RIMKLB: variants seen among roughly 807,000 people sequenced by gnomAD.
RIMKLB encodes the protein beta-citrylglutamate synthase B.
A neutral mutation model predicts 32.0 loss-of-function variants in RIMKLB; 7 were observed. The observed-to-expected ratio is 0.22, with a 90% CI of 0.12 to 0.41. RIMKLB has a LOEUF of 0.41. Among genes scored for constraint, RIMKLB ranks in the 10% least tolerant of loss-of-function variants. The pLI is 1.00. For missense variants in RIMKLB, 289 were observed against 498.7 expected, an observed-to-expected ratio of 0.58 and a Z score of 4.00; for synonymous variants, 172 against 185.1, an observed-to-expected ratio of 0.93 and a Z score of 0.57.
At chr12:8,760,251 T>C (rs1416370093) in intron 5 of RIMKLB, among the ~76,000 whole-genome samples, 1 of 152,248 alleles carries the variant, frequency 6.6e-6, no homozygotes, top group Non-Finnish European at 1.5e-5. Context: ...GTTTCATCCA[T>C]GTCCCTACAA....
chr12:8,741,917 G>T (rs1947580600), intron 2 of RIMKLB, among the ~76,000 whole-genome samples: 1 of 150,252 alleles, frequency 6.7e-6, no homozygotes, highest in African/African-American at 2.5e-5. Flanking sequence ...TATTAAAAAA[G>T]GAGAGCTTTT....
At chr12:8,756,899 C>A (rs975607548) in intron 5 of RIMKLB, among the ~76,000 whole-genome samples, 3 of 151,880 alleles carry the variant, frequency 2.0e-5, no homozygotes, top group East Asian at 3.9e-4. Context: ...ACCATGTTGA[C>A]CAGGCTGGTC....
intron 2 of RIMKLB, among the ~76,000 whole-genome samples, chr12:8,748,622 A>ATT (rs747952130): frequency 0.029 from 3,948 of 138,172 alleles, 187 homozygotes; most frequent in African/African-American, 0.098. Context: ...TATATATATA[A>ATT]TTTTTTTTTT....
chr12:8,700,977 A>G (rs1317755689), intron 1 of RIMKLB, among the ~76,000 whole-genome samples: 2 of 152,108 alleles, frequency 1.3e-5, no homozygotes, highest in Non-Finnish European at 2.9e-5. Context: ...GAGGCACAAG[A>G]ATCGCTTGAA....
At chr12:8,754,941 C>T (rs1399530851) in intron 5 of RIMKLB, among the ~76,000 whole-genome samples, 1 of 152,000 alleles carries the variant, frequency 6.6e-6, no homozygotes, top group Non-Finnish European at 1.5e-5. Flanking sequence ...AGGCACATGC[C>T]ACCATGCCCG....
At chr12:8,713,711 T>G (rs990926968) in intron 1 of RIMKLB, 100 bp from the exon 2 acceptor site, 2 of 746,708 alleles carry the variant, frequency 2.7e-6, no homozygotes, top group Non-Finnish European at 4.4e-6. Context: ...TTTTCCTGTT[T>G]ATATAATTAG....
intron 2 of RIMKLB, among the ~76,000 whole-genome samples, chr12:8,726,708 A>G (rs1946044345): frequency 6.9e-6 from 1 of 145,636 alleles, no homozygotes; most frequent in African/African-American, 2.5e-5. Flanking sequence ...GTCTATATTT[A>G]CAGTAAATTT....
chr12:8,723,086 A>T (rs936525917), intron 2 of RIMKLB, among the ~76,000 whole-genome samples: 1 of 152,232 alleles, frequency 6.6e-6, no homozygotes, highest in East Asian at 1.9e-4. Flanking sequence ...CTTTGCATAT[A>T]CAACTTGTCT....
intron 2 of RIMKLB, among the ~76,000 whole-genome samples, chr12:8,715,228 C>CCTTTTTTTTTTTTTTTTT (rs1445737752): frequency 1.6e-5 from 2 of 123,762 alleles, no homozygotes; most frequent in African/African-American, 6.6e-5. Flanking sequence ...TGCTCTTGTT[C>CCTTTTTTTTTTTTTTTTT]TTTTTTTTTT....
chr12:8,715,559 C>T (rs1944758696), intron 2 of RIMKLB, among the ~76,000 whole-genome samples: 1 of 152,072 alleles, frequency 6.6e-6, no homozygotes, highest in Non-Finnish European at 1.5e-5. Flanking sequence ...CTGCCTTTAT[C>T]AGGATGATGC....
chr12:8,783,052 C>G (rs1255960283), exon 8 of RIMKLB: 1 of 152,160 alleles, frequency 6.6e-6, no homozygotes, highest in Non-Finnish European at 1.5e-5. Context: ...TGTTTGATTC[C>G]GTCTGTTTTC....
intron 5 of RIMKLB, among the ~76,000 whole-genome samples, chr12:8,758,522 T>G (rs191126150): frequency 7.2e-5 from 11 of 152,324 alleles, no homozygotes; most frequent in Admixed American, 3.3e-4. Flanking sequence ...TTTTTTTGAT[T>G]ATAGATTTTG....
chr12:8,772,531 C>T (rs983576282), intron 5 of RIMKLB, among the ~76,000 whole-genome samples: 12 of 152,160 alleles, frequency 7.9e-5, no homozygotes, highest in African/African-American at 1.2e-4. Flanking sequence ...CAGTCTTCTA[C>T]GGAGGTACCT....
At chr12:8,753,368 C>G (rs1948774256) in intron 4 of RIMKLB, among the ~76,000 whole-genome samples, 1 of 152,164 alleles carries the variant, frequency 6.6e-6, no homozygotes, top group South Asian at 2.1e-4. Context: ...CTCCTTTCCC[C>G]TCCCCACCAT....
intron 1 of RIMKLB, among the ~76,000 whole-genome samples, chr12:8,687,319 G>A (rs1397660987): frequency 6.6e-6 from 1 of 152,156 alleles, no homozygotes; most frequent in African/African-American, 2.4e-5. Flanking sequence ...TATTTGTGAT[G>A]ATGATTTTGT....
upstream of RIMKLB, among the ~76,000 whole-genome samples, chr12:8,678,455 C>T (rs144134471): frequency 9.9e-3 from 1,507 of 152,036 alleles, 9 homozygotes; most frequent in Non-Finnish European, 0.015. Context: ...CTCAGCCTCC[C>T]GAGTAGCTGG....
rs117662233 is a variant in RIMKLB at position 8,775,956 on chromosome 12, A to G, written c.*2172A>G. On this transcript the variant is annotated 3_prime_UTR_variant, in exon 6 of 6. Coordinates refer to ENST00000535829, the MANE Select transcript of RIMKLB (RefSeq NM_001297776.2). ...TTGGTACTTCTTTCGCTGAATGACC[A>G]TACTGTGGAGGATGCATACTATTTG... 1.9e-3 allele frequency: 1,846 copies of G among 984,012 alleles called. 1 individual carries two copies. The highest frequency in any genetic ancestry group is 2.1e-3 in the Non-Finnish European group (1,777 of 828,598). The allele number at this position is 984,012 out of a possible 1,614,324, so 61.0% of individuals were successfully genotyped here.
chr12:8,749,764 C>A, intron 2 of RIMKLB, 98 bp from the exon 3 acceptor site: 2 of 744,330 alleles, frequency 2.7e-6, no homozygotes, highest in Non-Finnish European at 4.4e-6. Flanking sequence ...CAAAATAGTA[C>A]ATTTCATTTT....
chr12:8,777,557 C>G (rs1182324908), downstream of RIMKLB: 2 of 1,260,032 alleles, frequency 1.6e-6, no homozygotes, highest in Non-Finnish European at 2.1e-6. Context: ...AAGAAATATT[C>G]TAACTGCTTG....
Sources: allele counts gnomAD v4.1 joint callset (sites outside exome capture counted in the v4.1 genomes callset), GRCh38; gene constraint gnomAD v4.1.1; transcripts MANE v1.5; gene names NCBI Gene and HGNC (gene_info 2026-07-23, HGNC 2026-07-21).